The following SHLD2 variants were observed in gnomAD, a reference collection of about 807,000 sequenced individuals.
The protein encoded by SHLD2 is RINN1-REV7-interacting novel NHEJ regulator 2.
SHLD2 carries 30 observed loss-of-function variants against 73.2 expected under a neutral mutation model. The observed-to-expected ratio is 0.41, with a 90% CI of 0.31 to 0.56. The LOEUF is 0.56. SHLD2 is among the 20% of genes least tolerant of loss of function. SHLD2 has a pLI of 0.28. For missense variants in SHLD2, 745 were observed against 1,055.9 expected, an observed-to-expected ratio of 0.71 and a Z score of 4.08; for synonymous variants, 285 against 370.1, an observed-to-expected ratio of 0.77 and a Z score of 2.64.
chr10:87,190,424 G>A (rs1848991374), intron 9 of SHLD2, 60 bp from the exon 10 acceptor site: 1 of 1,325,962 alleles, frequency 7.5e-7, no homozygotes, highest in African/African-American at 1.4e-5. Context: ...ACCATTCAAT[G>A]TGTGTGCTCC....
At chr10:87,114,598 G>T (rs1197414596) in intron 2 of SHLD2, among the ~76,000 whole-genome samples, 1 of 152,150 alleles carries the variant, frequency 6.6e-6, no homozygotes, top group African/African-American at 2.4e-5. Flanking sequence ...GGTCGTGGGT[G>T]CCTGTAATCC....
intron 2 of SHLD2, among the ~76,000 whole-genome samples, chr10:87,148,874 C>T (rs1283919964): frequency 6.6e-6 from 1 of 151,470 alleles, no homozygotes; most frequent in East Asian, 1.9e-4. Flanking sequence ...TCTAAGTATT[C>T]CCACCAACTT....
intron 2 of SHLD2, among the ~76,000 whole-genome samples, chr10:87,115,114 G>A (rs770554645): frequency 2.6e-4 from 39 of 152,182 alleles, no homozygotes; most frequent in South Asian, 1.0e-3. Context: ...GCAGTGGTGC[G>A]ATCTTGGCTC....
chr10:87,153,617 G>T (rs1846169755), intron 3 of SHLD2, among the ~76,000 whole-genome samples: 3 of 152,106 alleles, frequency 2.0e-5, no homozygotes, highest in Non-Finnish European at 4.4e-5. Flanking sequence ...TAAAATGTGT[G>T]TGCATGTGTG....
At chr10:87,161,106 T>A (rs185922240) in intron 4 of SHLD2, among the ~76,000 whole-genome samples, 2 of 152,166 alleles carry the variant, frequency 1.3e-5, no homozygotes, top group African/African-American at 4.8e-5. Flanking sequence ...TTAAAACAAA[T>A]TTAAATAATA....
intron 9 of SHLD2, among the ~76,000 whole-genome samples, chr10:87,187,466 T>C (rs1458437326): frequency 1.3e-5 from 2 of 152,220 alleles, no homozygotes; most frequent in African/African-American, 2.4e-5. Context: ...TACTTAACTC[T>C]AGTTTTATAA....
At chr10:87,127,539 A>ACCCCCCCCCCCCCCCC in intron 2 of SHLD2, among the ~76,000 whole-genome samples, 1 of 36,112 alleles carries the variant, frequency 2.8e-5, no homozygotes, top group African/African-American at 1.8e-4. Flanking sequence ...GCCCCCCCCC[A>ACCCCCCCCCCCCCCCC]CCCCGTCTGC....
intron 2 of SHLD2, among the ~76,000 whole-genome samples, chr10:87,139,519 G>A (rs1845029701): frequency 6.6e-6 from 1 of 152,072 alleles, no homozygotes; most frequent in Non-Finnish European, 1.5e-5. Context: ...TGAATTATCA[G>A]CCAAATATGT....
intron 2 of SHLD2, among the ~76,000 whole-genome samples, chr10:87,113,777 G>T (rs193141869): frequency 1.3e-5 from 2 of 152,222 alleles, no homozygotes; most frequent in East Asian, 3.9e-4. Context: ...AGGCCGAGGC[G>T]AGTGGATCAC....
At chr10:87,169,738 A>G (rs939525715) in intron 4 of SHLD2, among the ~76,000 whole-genome samples, 1 of 151,954 alleles carries the variant, frequency 6.6e-6, no homozygotes, top group Non-Finnish European at 1.5e-5. Context: ...ATGTTATTGT[A>G]CAGAAACTAT....
At chr10:87,110,606 C>CAAA (rs200449399) in intron 2 of SHLD2, among the ~76,000 whole-genome samples, 3 of 99,712 alleles carry the variant, frequency 3.0e-5, no homozygotes, top group African/African-American at 7.1e-5. Flanking sequence ...GACTCCATCT[C>CAAA]AAAAAAAAAA....
intron 2 of SHLD2, among the ~76,000 whole-genome samples, chr10:87,143,444 C>G (rs1187968765): frequency 1.3e-5 from 2 of 152,148 alleles, no homozygotes; most frequent in Non-Finnish European, 2.9e-5. Flanking sequence ...CCATGATCCT[C>G]TTTTTTTCCC....
intron 4 of SHLD2, among the ~76,000 whole-genome samples, chr10:87,161,785 G>T (rs566212890): frequency 3.5e-4 from 53 of 152,306 alleles, no homozygotes; most frequent in African/African-American, 1.1e-3. Context: ...GGGGAAAACA[G>T]ACATGCAAGA....
chr10:87,099,882 T>G (rs1589414165), intron 2 of SHLD2, among the ~76,000 whole-genome samples: 2 of 152,350 alleles, frequency 1.3e-5, no homozygotes, highest in South Asian at 4.1e-4. Context: ...TTAGCATCTT[T>G]CATGTGCTTA....
intron 8 of SHLD2, among the ~76,000 whole-genome samples, chr10:87,183,616 A>T (rs1050093265): frequency 6.6e-6 from 1 of 152,166 alleles, no homozygotes; most frequent in African/African-American, 2.4e-5. Context: ...AAGAGTTTTA[A>T]ATATACTCTC....
chr10:87,157,841 A>G (rs933840843), intron 3 of SHLD2, among the ~76,000 whole-genome samples: 1 of 152,256 alleles, frequency 6.6e-6, no homozygotes, highest in Non-Finnish European at 1.5e-5. Flanking sequence ...TCATTTGAAT[A>G]TAAAGAAGCA....
chr10:87,136,129 G>A (rs1170693470), intron 2 of SHLD2, among the ~76,000 whole-genome samples: 1 of 151,578 alleles, frequency 6.6e-6, no homozygotes, highest in Non-Finnish European at 1.5e-5. Flanking sequence ...TGGACTTATG[G>A]ATATTTTATA....
chr10:87,145,438 C>T (rs1212026251), intron 2 of SHLD2, among the ~76,000 whole-genome samples: 1 of 151,750 alleles, frequency 6.6e-6, no homozygotes, highest in Non-Finnish European at 1.5e-5. Context: ...AATTTGAACC[C>T]ACATCTCTCT....
chr10:87,155,224 C>T (rs1245534371), intron 3 of SHLD2, among the ~76,000 whole-genome samples: 5 of 152,198 alleles, frequency 3.3e-5, no homozygotes, highest in Admixed American at 2.6e-4. Context: ...CGTGAGCCAC[C>T]GCACCCGGCC....
Sources: gnomAD v4.1 joint callset for allele counts (sites outside exome capture counted in the v4.1 genomes callset) on GRCh38, gnomAD v4.1.1 for gene constraint, MANE v1.5 for transcripts, NCBI Gene and HGNC (gene_info 2026-07-23, HGNC 2026-07-21) for gene names.